ADAMTS20: variants seen among roughly 807,000 people sequenced by gnomAD.
ADAMTS20 encodes the protein A disintegrin and metalloproteinase with thrombospondin motifs 20.
Under a neutral mutation model 260.1 loss-of-function variants are expected in ADAMTS20, and 225 were observed. The observed-to-expected ratio is 0.87, with a 90% CI of 0.78 to 0.97. The LOEUF (loss-of-function observed/expected upper bound fraction) is 0.97. ADAMTS20 is among the 50% of genes least tolerant of loss of function. The pLI is 0.00. For missense variants in ADAMTS20, 2,400 were observed against 2,337.7 expected, an observed-to-expected ratio of 1.03 and a Z score of -0.55; for synonymous variants, 802 against 769.5, an observed-to-expected ratio of 1.04 and a Z score of -0.70.
At chr12:43,447,019 A>G (rs556998326) in intron 14 of ADAMTS20, among the ~76,000 whole-genome samples, 1 of 152,174 alleles carries the variant, frequency 6.6e-6, no homozygotes, top group South Asian at 2.1e-4. Flanking sequence ...ATCCAAAAAA[A>G]GCCCAGGATC....
At chr12:43,467,590 G>A (rs547989786) in intron 8 of ADAMTS20, among the ~76,000 whole-genome samples, 11 of 151,752 alleles carry the variant, frequency 7.2e-5, no homozygotes, top group African/African-American at 1.2e-4. Flanking sequence ...TGCAAAAATC[G>A]TCTTCTACTG....
intron 29 of ADAMTS20, among the ~76,000 whole-genome samples, chr12:43,390,405 G>T (rs1940572530): frequency 1.3e-5 from 2 of 152,086 alleles, no homozygotes; most frequent in Admixed American, 6.6e-5. Flanking sequence ...ATATAAATAG[G>T]CTGAGAATTT....
intron 18 of ADAMTS20, among the ~76,000 whole-genome samples, chr12:43,435,683 T>TAA (rs148341566): frequency 0.36 from 45,998 of 128,296 alleles, 8,072 homozygotes; most frequent in East Asian, 0.76. Context: ...AAAAATAAAA[T>TAA]AAAAAAAGTC....
intron 11 of ADAMTS20, among the ~76,000 whole-genome samples, chr12:43,456,518 T>A (rs1164446024): frequency 6.6e-6 from 1 of 152,154 alleles, no homozygotes; most frequent in Admixed American, 6.5e-5. Flanking sequence ...ATGAATCTGC[T>A]CAAATTGTTA....
rs778375054 is a variant in ADAMTS20 at position 43,462,906 on chromosome 12, C to T, written c.1603G>A (p.Gly535Ser). The part of the protein sequence containing the change: ...HVPPADGTDC[G>S]PGMHCRHGLC... ...TCAAGAAAACCTACCATTCCAGGAC[C>T]GCAGTCTGTTCCATCTGCTGGTGGC... is the stretch of plus-strand genomic sequence containing the variant. Residue 535 changes from glycine to serine, a missense_variant, in exon 11 of 39, where the codon GGT (glycine) becomes AGT (serine). By Grantham distance (56) the Gly-to-Ser change is moderately conservative. Transcript: ENST00000389420. The T allele has an allele frequency of 2.1e-5, 33 of 1,604,186 alleles. No homozygotes were observed. Among genetic ancestry groups the T allele is most frequent in the African/African-American group, 2.0e-4 (15 of 74,872 alleles).
intron 37 of ADAMTS20, among the ~76,000 whole-genome samples, chr12:43,363,618 A>G (rs1021979462): frequency 6.6e-6 from 1 of 152,224 alleles, no homozygotes; most frequent in East Asian, 1.9e-4. Context: ...TTGTAAAAAT[A>G]GGAAATTCAC....
Position 43,551,734 on chromosome 12 carries a change from C to T in ADAMTS20, c.91+97G>A. On this transcript the variant is annotated intron_variant, in intron 1 of 38. Coordinates refer to ENST00000389420, the MANE Select transcript of ADAMTS20 (RefSeq NM_025003.5). The surrounding 1 kb of genome is among the most constrained non-coding windows in gnomAD (Gnocchi z 4.6). ...CGGGAGCTCCAGCAGGGCCAGCGTT[C>T]CCCAACGGGCTGAGCCGCTCGTCCC... 1 of 1,280,780 alleles carries T rather than the reference C, an allele frequency of 7.8e-7. No individual in the cohort carries two copies. 79.3% of individuals were successfully genotyped at this position (1,280,780 alleles called of 1,614,324 possible).
intron 10 of ADAMTS20, 102 bp downstream of exon 10, chr12:43,464,489 A>G (rs1942118276): frequency 7.2e-7 from 1 of 1,386,750 alleles, no homozygotes; most frequent in Admixed American, 2.3e-5. Context: ...TATCAGACTT[A>G]AAAGCTATAT....
At chr12:43,502,031 G>T (rs1014697959) in intron 4 of ADAMTS20, 121 bp downstream of exon 4, 1 of 879,362 alleles carries the variant, frequency 1.1e-6, no homozygotes, top group East Asian at 2.9e-5. Flanking sequence ...CTTATTTTTG[G>T]CTTAAACCTA....
intron 28 of ADAMTS20, among the ~76,000 whole-genome samples, chr12:43,420,402 C>G (rs1363690929): frequency 6.6e-6 from 1 of 152,120 alleles, no homozygotes; most frequent in African/African-American, 2.4e-5. Context: ...TAGTTAAATA[C>G]TTAATTGTTA....
At chr12:43,426,286 T>C (rs1941332140) in intron 27 of ADAMTS20, among the ~76,000 whole-genome samples, 1 of 152,180 alleles carries the variant, frequency 6.6e-6, no homozygotes, top group African/African-American at 2.4e-5. Flanking sequence ...GACATATAAT[T>C]TGAATTTTCA....
At position 43,420,809 on chromosome 12, in the gene ADAMTS20, T is replaced by TTTTTTC. The variant is rs1266381268; in HGVS notation, c.4284+4704_4284+4705insGAAAAA. On this transcript the variant is annotated intron_variant, in intron 28 of 38. Coordinates refer to ENST00000389420, the MANE Select transcript of ADAMTS20 (RefSeq NM_025003.5). ...TCTCCTCCTCCTCCTTCTTTTTTTT[T>TTTTTTC]TTTTTTTTTTTTTTTTGAGATGGGG... 1.6e-4 allele frequency among the ~76,000 whole-genome samples: 19 copies of TTTTTTC among 120,366 alleles called. 2 individuals are homozygous for TTTTTTC. In the East Asian group the frequency reaches 5.2e-3, roughly 33 times the overall value. 79.0% of individuals were successfully genotyped at this position (120,366 alleles called of 152,430 possible).
intron 29 of ADAMTS20, 110 bp downstream of exon 29, chr12:43,398,956 A>C (rs1359858937): frequency 1.4e-6 from 1 of 703,910 alleles, no homozygotes; most frequent in East Asian, 3.5e-5. Flanking sequence ...AAAAGTATAT[A>C]ACAATAAATT....
In ADAMTS20 at chr12:43,430,361, A is replaced by C. The variant is rs539160574; in HGVS notation, c.3372T>G (p.Ser1124Arg). The C allele has an allele frequency of 4.3e-6, 7 of 1,612,310 alleles. No individual in the cohort carries two copies. Among genetic ancestry groups the C allele is most frequent in the Middle Eastern group, 1.7e-4 (1 of 6,054 alleles). Residue 1124 changes from serine to arginine, a missense_variant, in exon 23 of 39, where the codon AGT (serine) becomes AGG (arginine). Ser to Arg is a moderately radical substitution (Grantham distance 110). Transcript: ENST00000389420. Reference protein sequence around the residue: ...DTECHEASRPSDRQSCVLTPC... With the variant: ...DTECHEASRPRDRQSCVLTPC... ...CCATGATTCTTTTTACCTGTCTGTCACTGGGGCGACTAGCTTCATGGCATT... is the reference window on the plus strand; with the variant it reads ...CCATGATTCTTTTTACCTGTCTGTCCCTGGGGCGACTAGCTTCATGGCATT...
intron 11 of ADAMTS20, among the ~76,000 whole-genome samples, chr12:43,456,527 T>C (rs190899405): frequency 3.9e-5 from 6 of 152,306 alleles, no homozygotes; most frequent in Admixed American, 2.0e-4. Context: ...CTCAAATTGT[T>C]AGAAATGCAA....
chr12:43,404,848 A>G (rs1022099322), intron 28 of ADAMTS20, among the ~76,000 whole-genome samples: 1 of 152,144 alleles, frequency 6.6e-6, no homozygotes, highest in East Asian at 1.9e-4. Flanking sequence ...AAGAAAACCT[A>G]GTTTACCTTC....
chr12:43,390,739 C>T (rs1044779664), intron 29 of ADAMTS20, among the ~76,000 whole-genome samples: 1 of 152,194 alleles, frequency 6.6e-6, no homozygotes, highest in African/African-American at 2.4e-5. Context: ...TTTCTAAGAA[C>T]ATTCTGTTTG....
rs2137539933 is a variant in ADAMTS20 at position 43,552,152 on chromosome 12, C to T, written c.-231G>A. On this transcript the variant is annotated 5_prime_UTR_variant, in exon 1 of 39. Coordinates refer to ENST00000389420, the MANE Select transcript of ADAMTS20 (RefSeq NM_025003.5). Reference sequence around the variant, plus strand: ...TGCAGCCTCACCCCCCTTCCTGCGCCCGCGCTGCCCTCAGAAACTCTCTGC... The same window carrying T: ...TGCAGCCTCACCCCCCTTCCTGCGCTCGCGCTGCCCTCAGAAACTCTCTGC... Among the ~76,000 whole-genome samples, 1 of 152,334 alleles carries T rather than the reference C, an allele frequency of 6.6e-6. No individual in the cohort carries two copies. Among genetic ancestry groups the T allele is most frequent in the African/African-American group, 2.4e-5 (1 of 41,578 alleles).
At chr12:43,465,668 T>G (rs1457975355) in intron 9 of ADAMTS20, among the ~76,000 whole-genome samples, 1 of 152,026 alleles carries the variant, frequency 6.6e-6, no homozygotes, top group East Asian at 1.9e-4. Context: ...ATCAAAATAT[T>G]ACTCCCTTCT....
Sources: gnomAD v4.1 joint callset for allele counts (sites outside exome capture counted in the v4.1 genomes callset) on GRCh38, gnomAD v4.1.1 for gene constraint, Gnocchi (gnomAD v3.1) non-coding constraint, MANE v1.5 for transcripts, NCBI Gene and HGNC (gene_info 2026-07-23, HGNC 2026-07-21) for gene names.